The following UNC5D variants were observed in gnomAD, a reference collection of about 807,000 sequenced individuals.
UNC5D encodes unc-5 netrin receptor D, also known as netrin receptor UNC5D.
A neutral mutation model predicts 105.4 loss-of-function variants in UNC5D; 39 were observed. The ratio of observed to expected loss-of-function variants is 0.37; its 90% CI spans 0.29 to 0.48. The LOEUF is 0.48. Among genes scored for constraint, UNC5D ranks in the 20% least tolerant of loss-of-function variants. The pLI, the probability that UNC5D is intolerant of heterozygous loss-of-function variation, is 0.98. For missense variants in UNC5D, 991 were observed against 1,202.4 expected (o/e 0.82, Z 2.60); for synonymous variants, 452 against 450.4 (o/e 1.00, Z -0.04).
intron 1 of UNC5D, among the ~76,000 whole-genome samples, chr8:35,341,424 C>T (rs900579990): frequency 6.6e-5 from 10 of 151,042 alleles, no homozygotes; most frequent in African/African-American, 1.7e-4. Flanking sequence ...CCAGAATGAG[C>T]GTAAGAAGGA....
chr8:35,271,666 CAGGTATACATATAT>C (rs1164741095), intron 1 of UNC5D, among the ~76,000 whole-genome samples: 4 of 54,092 alleles, frequency 7.4e-5, no homozygotes, highest in South Asian at 6.5e-4. Context: ...TATATTTATA[CAGGTATACATATAT>C]ATGTATACAT....
intron 1 of UNC5D, among the ~76,000 whole-genome samples, chr8:35,341,183 T>C (rs1182648435): frequency 6.6e-6 from 1 of 152,226 alleles, no homozygotes; most frequent in East Asian, 1.9e-4. Flanking sequence ...CATACTGGAA[T>C]AATTTAGAAT....
At chr8:35,325,703 T>G (rs908721481) in intron 1 of UNC5D, among the ~76,000 whole-genome samples, 1 of 152,158 alleles carries the variant, frequency 6.6e-6, no homozygotes, top group Non-Finnish European at 1.5e-5. Context: ...TTTAAGGAAT[T>G]TGAAATCAAA....
chr8:35,554,069 C>G (rs4739415), intron 2 of UNC5D, among the ~76,000 whole-genome samples: 34,633 of 152,028 alleles, frequency 0.23, 6,073 homozygotes, highest in African/African-American at 0.48. Context: ...GCATTCTGTC[C>G]TCACAGAACT....
intron 4 of UNC5D, among the ~76,000 whole-genome samples, chr8:35,677,657 T>G (rs1825341293): frequency 6.6e-6 from 1 of 152,094 alleles, no homozygotes; most frequent in Non-Finnish European, 1.5e-5. Flanking sequence ...GATAAACTAT[T>G]AGGTTATGAA....
At position 35,726,159 on chromosome 8, in the gene UNC5D, C is replaced by T. The variant is rs773187318; in HGVS notation, c.1311C>T (p.Ser437=). 1 of 1,606,428 alleles carries T rather than the reference C, an allele frequency of 6.2e-7. No individual in the cohort carries two copies. The highest frequency in any genetic ancestry group is 8.5e-7 in the Non-Finnish European group (1 of 1,174,496). The change falls in exon 10 of 17, where the codon TCC becomes TCT. Residue 437 remains serine, a synonymous_variant. Coordinates refer to ENST00000404895, the MANE Select transcript of UNC5D (RefSeq NM_080872.4). ...FNFKTVRQGN[S]LLLNSAMQPD... ...TCAATTTTCTTTTACCAGGTAACTC[C>T]CTGCTCCTGAATTCTGCCATGCAGC...
At chr8:35,633,656 G>A (rs1463965997) in intron 4 of UNC5D, among the ~76,000 whole-genome samples, 1 of 152,138 alleles carries the variant, frequency 6.6e-6, no homozygotes, top group African/African-American at 2.4e-5. Context: ...TTGGGAGGCT[G>A]AGGCAAGAGG....
intron 1 of UNC5D, among the ~76,000 whole-genome samples, chr8:35,248,093 AAT>A (rs1362659059): frequency 2.8e-5 from 2 of 72,538 alleles, no homozygotes; most frequent in Non-Finnish European, 4.6e-5. Flanking sequence ...ATAATATATA[AAT>A]ATATATTATA....
chr8:35,425,191 TAAAAAG>T (rs1266598561), intron 1 of UNC5D, among the ~76,000 whole-genome samples: 3 of 152,124 alleles, frequency 2.0e-5, no homozygotes, highest in Admixed American at 6.6e-5. Flanking sequence ...ATAATAAAAA[TAAAAAG>T]AAAAAAGAAA....
At chr8:35,328,725 C>T (rs1810370284) in intron 1 of UNC5D, among the ~76,000 whole-genome samples, 1 of 152,124 alleles carries the variant, frequency 6.6e-6, no homozygotes, top group Non-Finnish European at 1.5e-5. Context: ...GTTAGATTGG[C>T]CCAAGGTGTA....
intron 2 of UNC5D, among the ~76,000 whole-genome samples, chr8:35,559,024 A>G (rs1387615237): frequency 6.6e-6 from 1 of 152,050 alleles, no homozygotes; most frequent in Non-Finnish European, 1.5e-5. Context: ...AGAGAATTTG[A>G]TTGCTTTGTT....
chr8:35,356,171 G>A (rs1801542280), intron 1 of UNC5D, among the ~76,000 whole-genome samples: 1 of 152,134 alleles, frequency 6.6e-6, no homozygotes, highest in African/African-American at 2.4e-5. Flanking sequence ...GTATGGGAGA[G>A]CATGCTTTAC....
intron 4 of UNC5D, among the ~76,000 whole-genome samples, chr8:35,601,479 C>A (rs1456590845): frequency 6.6e-6 from 1 of 152,090 alleles, no homozygotes; most frequent in African/African-American, 2.4e-5. Flanking sequence ...TTTCATTGAG[C>A]AGTGGTTTGT....
intron 1 of UNC5D, among the ~76,000 whole-genome samples, chr8:35,429,769 T>C (rs1461210075): frequency 2.0e-5 from 3 of 152,096 alleles, no homozygotes; most frequent in Non-Finnish European, 4.4e-5. Flanking sequence ...TTAGGATCCT[T>C]TGTGATTTCT....
chr8:35,289,632 T>C (rs1228952315), intron 1 of UNC5D, among the ~76,000 whole-genome samples: 1 of 152,204 alleles, frequency 6.6e-6, no homozygotes, highest in East Asian at 1.9e-4. Context: ...TTTAAGAGAA[T>C]GAAAATAATA....
intron 1 of UNC5D, among the ~76,000 whole-genome samples, chr8:35,400,486 T>C (rs1362495015): frequency 6.6e-6 from 1 of 152,172 alleles, no homozygotes; most frequent in Admixed American, 6.5e-5. Flanking sequence ...GACACTTTCT[T>C]CTTTGCTGGT....
chr8:35,261,102 T>A (rs1271834456), intron 1 of UNC5D, among the ~76,000 whole-genome samples: 4 of 152,242 alleles, frequency 2.6e-5, no homozygotes, highest in Non-Finnish European at 5.9e-5. Flanking sequence ...CTACTCTGAG[T>A]TTACTGCAGA....
intron 1 of UNC5D, among the ~76,000 whole-genome samples, chr8:35,365,616 A>AAAAAAAAAAAAAAAAAAAAAAAC (rs1802073542): frequency 6.7e-6 from 1 of 149,542 alleles, no homozygotes; most frequent in African/African-American, 2.5e-5. Flanking sequence ...AAAAAAAAAA[A>AAAAAAAAAAAAAAAAAAAAAAAC]AGCAGCTGTG....
Position 35,792,356 on chromosome 8 carries a change from T to C in UNC5D, c.*1793T>C, listed in dbSNP as rs927469571. 2.6e-5 allele frequency: 4 copies of C among 152,282 alleles called. No homozygotes were observed. The highest frequency in any genetic ancestry group is 9.7e-5 in the African/African-American group (4 of 41,432). The allele number at this position is 152,282 out of a possible 1,614,324, so 9.4% of individuals were successfully genotyped here. A position where few individuals can be genotyped will look rare whatever the true frequency, so the allele number is the denominator to read the frequency against. ...ATGTGGTATGTATGGTCCCCTATAT[T>C]AGATAGAAGTCTTTGCTACATGTAA... On this transcript the variant is annotated 3_prime_UTR_variant, in exon 17 of 17. Transcript: ENST00000404895.
Sources: allele counts gnomAD v4.1 joint callset (sites outside exome capture counted in the v4.1 genomes callset), GRCh38; gene constraint gnomAD v4.1.1; transcripts MANE v1.5; gene names NCBI Gene and HGNC (gene_info 2026-07-23, HGNC 2026-07-21).